RAB38: variants seen among roughly 807,000 people sequenced by gnomAD.
RAB38 encodes the protein RAB38, member RAS oncogene family.
In RAB38, 15 loss-of-function variants were observed where a neutral mutation model predicts 18.4. The observed-to-expected ratio is 0.82, with a 90% CI of 0.55 to 1.26. The LOEUF (loss-of-function observed/expected upper bound fraction) is 1.26, where lower values mean the gene tolerates loss of function less well. Among genes scored for constraint, RAB38 ranks in the 50% most tolerant of loss-of-function variants. RAB38 has a pLI of 0.00. For missense variants in RAB38, 294 were observed against 267.4 expected (o/e 1.10, Z -0.69); for synonymous variants, 101 against 104.4 (o/e 0.97, Z 0.20).
the RAB38 span, among the ~76,000 whole-genome samples, chr11:87,878,030 G>A: frequency 6.6e-6 from 1 of 150,582 alleles, no homozygotes; most frequent in South Asian, 2.1e-4. Flanking sequence ...TTGTATGTAG[G>A]GAAACTGAGC....
At chr11:88,119,254 G>A (rs2134776161) in intron 2 of RAB38, among the ~76,000 whole-genome samples, 1 of 152,038 alleles carries the variant, frequency 6.6e-6, no homozygotes, top group Admixed American at 6.5e-5. Context: ...GTTAGGCATG[G>A]TGATGGGATT....
chr11:87,976,542 TA>T, the RAB38 span, among the ~76,000 whole-genome samples: 2 of 128,200 alleles, frequency 1.6e-5, no homozygotes, highest in Non-Finnish European at 3.1e-5. Context: ...TTTACATTTA[TA>T]TTTTATATAT....
the RAB38 span, among the ~76,000 whole-genome samples, chr11:88,014,925 C>A: frequency 2.6e-5 from 4 of 151,804 alleles, no homozygotes; most frequent in East Asian, 7.7e-4. Context: ...GATGTGGCAA[C>A]CTCTGGAAAG....
intron 2 of RAB38, among the ~76,000 whole-genome samples, chr11:88,124,608 C>T (rs529153361): frequency 1.3e-5 from 2 of 152,308 alleles, no homozygotes; most frequent in Admixed American, 1.3e-4. Context: ...ACCCAACCCT[C>T]ACAAATTCCT....
chr11:88,082,031 C>T, the RAB38 span, among the ~76,000 whole-genome samples: 1 of 151,790 alleles, frequency 6.6e-6, no homozygotes, highest in African/African-American at 2.4e-5. Flanking sequence ...ATTTCATTTA[C>T]GTTGCATCCG....
the RAB38 span, among the ~76,000 whole-genome samples, chr11:87,958,284 G>A: frequency 2.0e-5 from 3 of 152,130 alleles, no homozygotes; most frequent in East Asian, 5.8e-4. Flanking sequence ...TGTTCTGTAG[G>A]TTAGGTGTAT....
the RAB38 span, among the ~76,000 whole-genome samples, chr11:88,103,946 G>A: frequency 6.6e-6 from 1 of 152,076 alleles, no homozygotes; most frequent in Non-Finnish European, 1.5e-5. Context: ...AGAAGGTGTC[G>A]TCAGTGAGGG....
At chr11:87,930,556 A>G in the RAB38 span, among the ~76,000 whole-genome samples, 7 of 150,108 alleles carry the variant, frequency 4.7e-5, no homozygotes, top group East Asian at 7.9e-4. Context: ...CTGTGCAGAA[A>G]CTCTTTAGTT....
chr11:88,065,576 C>A, the RAB38 span, among the ~76,000 whole-genome samples: 2 of 152,168 alleles, frequency 1.3e-5, no homozygotes, highest in African/African-American at 4.8e-5. Flanking sequence ...TAGTAGGGAA[C>A]AGAAGTAGCT....
chr11:87,930,322 T>G, the RAB38 span, among the ~76,000 whole-genome samples: 1 of 152,236 alleles, frequency 6.6e-6, no homozygotes, highest in Admixed American at 6.5e-5. Context: ...CCAGTGATGA[T>G]GAGTATTTTT....
chr11:87,897,370 A>G, the RAB38 span, among the ~76,000 whole-genome samples: 1 of 151,544 alleles, frequency 6.6e-6, no homozygotes, highest in Non-Finnish European at 1.5e-5. Flanking sequence ...ACCTCCAGCA[A>G]TCCCTAGCTT....
At chr11:87,845,340 C>T in the RAB38 span, among the ~76,000 whole-genome samples, 1 of 151,810 alleles carries the variant, frequency 6.6e-6, no homozygotes. Flanking sequence ...ACATCAAAAA[C>T]AAAAGCCTCA....
the RAB38 span, among the ~76,000 whole-genome samples, chr11:87,806,347 T>G: frequency 2.0e-5 from 3 of 152,152 alleles, no homozygotes; most frequent in Non-Finnish European, 2.9e-5. Flanking sequence ...GGTCTGTTTT[T>G]GCTTCATAGG....
chr11:87,859,258 T>G, the RAB38 span, among the ~76,000 whole-genome samples: 1 of 151,992 alleles, frequency 6.6e-6, no homozygotes, highest in Non-Finnish European at 1.5e-5. Flanking sequence ...AAAGAAATAA[T>G]TAGCAGATGT....
the RAB38 span, among the ~76,000 whole-genome samples, chr11:88,070,555 A>C: frequency 6.6e-6 from 1 of 152,236 alleles, no homozygotes; most frequent in Non-Finnish European, 1.5e-5. Context: ...TGCCTTCAAC[A>C]TGGCAGGAAA....
the RAB38 span, among the ~76,000 whole-genome samples, chr11:87,834,013 C>A: frequency 6.6e-6 from 1 of 152,174 alleles, no homozygotes; most frequent in Non-Finnish European, 1.5e-5. Flanking sequence ...AGAACTGTGT[C>A]CAGCTGGAAG....
chr11:87,846,322 AGACTT>A, the RAB38 span, among the ~76,000 whole-genome samples: 1 of 152,080 alleles, frequency 6.6e-6, no homozygotes, highest in African/African-American at 2.4e-5. Flanking sequence ...GATAAAAACA[AGACTT>A]AACTATATGC....
the RAB38 span, among the ~76,000 whole-genome samples, chr11:87,942,425 A>T: frequency 6.6e-6 from 1 of 152,268 alleles, no homozygotes; most frequent in African/African-American, 2.4e-5. Flanking sequence ...GGATCAAATC[A>T]TATAATAAAA....
the RAB38 span, among the ~76,000 whole-genome samples, chr11:87,807,451 T>C: frequency 6.6e-6 from 1 of 152,212 alleles, no homozygotes; most frequent in Non-Finnish European, 1.5e-5. Context: ...GGAAAAAGCA[T>C]AGCACAGCTA....
Sources: gnomAD v4.1 joint callset for allele counts (sites outside exome capture counted in the v4.1 genomes callset) on GRCh38, gnomAD v4.1.1 for gene constraint, MANE v1.5 for transcripts, NCBI Gene and HGNC (gene_info 2026-07-23, HGNC 2026-07-21) for gene names.